The following TMCO6 variants were observed in gnomAD, a reference collection of about 807,000 sequenced individuals.
TMCO6 encodes the protein transmembrane and coiled-coil domains 6.
TMCO6 carries 47 observed loss-of-function variants against 61.8 expected under a neutral mutation model. The observed-to-expected ratio is 0.76, with a 90% CI of 0.60 to 0.97. The LOEUF (loss-of-function observed/expected upper bound fraction) is 0.97. Among genes scored for constraint, TMCO6 ranks in the 50% least tolerant of loss-of-function variants. The probability of loss-of-function intolerance (pLI) is 0.00; values close to 1 mark genes in which losing one functional copy is unlikely to be tolerated. For synonymous variants in TMCO6, 261 were observed against 254.2 expected (o/e 1.03, Z -0.25); for missense variants, 557 against 601.6 (o/e 0.93, Z 0.78).
the TMCO6 span, among the ~76,000 whole-genome samples, chr5:140,620,489 C>T: frequency 1.3e-5 from 2 of 152,030 alleles, no homozygotes; most frequent in African/African-American, 4.8e-5. Flanking sequence ...AAAGGATATA[C>T]CATACAAAGA....
the TMCO6 span, among the ~76,000 whole-genome samples, chr5:140,619,196 A>G: frequency 6.6e-6 from 1 of 152,228 alleles, no homozygotes; most frequent in African/African-American, 2.4e-5. Context: ...AGGAAAATAT[A>G]CAGATGGCAA....
At chr5:140,604,128 C>A in the TMCO6 span, among the ~76,000 whole-genome samples, 1 of 152,120 alleles carries the variant, frequency 6.6e-6, no homozygotes, top group Non-Finnish European at 1.5e-5. Flanking sequence ...TGCTTGTTAG[C>A]CATTTGTATA....
At position 140,643,968 on chromosome 5, in the gene TMCO6, T is replaced by C; in HGVS notation, c.1105+2T>C. ...TTTGGCTCCTCAACAACCTCACTGG[T>C]ACGCACCATAATCTGCCCAGGCCTG... On this transcript the variant is annotated splice_donor_variant, in intron 9 of 11. Transcript: ENST00000394671. LOFTEE classifies it high-confidence loss of function. 6.2e-7 allele frequency: 1 copy of C among 1,614,146 alleles called. No individual in the cohort carries two copies. The highest frequency in any genetic ancestry group is 8.5e-7 in the Non-Finnish European group (1 of 1,180,006).
At chr5:140,618,967 G>A in the TMCO6 span, among the ~76,000 whole-genome samples, 13 of 151,978 alleles carry the variant, frequency 8.6e-5, no homozygotes, top group African/African-American at 1.2e-4. Flanking sequence ...AGAAAGAATC[G>A]ATAATCTAAA....
the TMCO6 span, among the ~76,000 whole-genome samples, chr5:140,613,341 A>T: frequency 6.9e-6 from 1 of 144,258 alleles, no homozygotes; most frequent in East Asian, 2.3e-4. Flanking sequence ...GTGAGCCGAG[A>T]TCGTGCCACT....
the TMCO6 span, among the ~76,000 whole-genome samples, chr5:140,599,366 C>CT: frequency 2.0e-3 from 306 of 152,206 alleles, 1 homozygote; most frequent in African/African-American, 7.1e-3. Flanking sequence ...TTAGGGGATC[C>CT]CTTTAAGAGG....
chr5:140,646,638 G>C (rs891998408), downstream of TMCO6, among the ~76,000 whole-genome samples: 5 of 152,098 alleles, frequency 3.3e-5, no homozygotes, highest in Non-Finnish European at 7.4e-5. Flanking sequence ...CAACATGATA[G>C]GAAAATTTCA....
rs759034817 is a variant in TMCO6, at chr5:140,644,738, G to A, written c.1366G>A (p.Glu456Lys). ...GCATCTGCTGTTCCTGTATCAGCCA[G>A]AGGTATAGGTTTCTGGCCCACATCC... is the stretch of plus-strand genomic sequence containing the variant. ...LLHLLFLYQP[E>K]AVQVFLQQSG... The change falls in exon 11 of 12, where the codon GAG becomes AAG. Residue 456 changes from glutamate (E) to lysine (K), a missense_variant and splice_region_variant. By Grantham distance (56) the Glu-to-Lys change is moderately conservative. Coordinates refer to ENST00000394671, the MANE Select transcript of TMCO6 (RefSeq NM_018502.5). The A allele has an allele frequency of 1.2e-6, 2 of 1,614,146 alleles. No homozygotes were observed. Among genetic ancestry groups the A allele is most frequent in the South Asian group, 2.2e-5 (2 of 91,080 alleles).
the TMCO6 span, chr5:140,631,878 T>C: frequency 1.9e-6 from 3 of 1,573,308 alleles, no homozygotes; most frequent in South Asian, 3.5e-5. Context: ...CCGGGCCCCT[T>C]GGAGCAGCAC....
chr5:140,645,360 T>A lies in TMCO6; in HGVS notation c.*262T>A. 1 of 762,298 alleles carries A rather than the reference T, an allele frequency of 1.3e-6. No individual in the cohort carries two copies. The highest frequency in any genetic ancestry group is 2.0e-5 in the Admixed American group (1 of 49,662). The allele number at this position is 762,298 out of a possible 1,614,324, so 47.2% of individuals were successfully genotyped here. On this transcript the variant is annotated 3_prime_UTR_variant, in exon 12 of 12. Transcript: ENST00000394671. ...CACCCTTCATGTTTGCTTCAGCAGC[T>A]GGTAGCTTTTGATGAGACAGAATAA...
chr5:140,639,806 G>C lies in TMCO6; in HGVS notation c.153G>C (p.Glu51Asp), dbSNP rs771904102. 3.7e-6 allele frequency: 6 copies of C among 1,610,016 alleles called. No individual in the cohort carries two copies. In the African/African-American group the frequency reaches 6.7e-5, roughly 18 times the overall value. The part of the protein sequence containing the change: ...SKRLLRNDAP[E>D]EAGEGCVAAI... ...GGCTGCTGAGAAACGACGCCCCAGAGGAAGCTGGAGAGGGATGTGTGGCTG... is the reference window on the plus strand; with the variant it reads ...GGCTGCTGAGAAACGACGCCCCAGACGAAGCTGGAGAGGGATGTGTGGCTG... The change falls in exon 2 of 12, where the codon GAG (glutamate) becomes GAC (aspartate). Residue 51 changes from glutamate to aspartate, a missense_variant. Glu to Asp is a conservative substitution (Grantham distance 45, BLOSUM62 2). Transcript: ENST00000394671.
the TMCO6 span, among the ~76,000 whole-genome samples, chr5:140,597,039 C>G: frequency 6.6e-6 from 1 of 152,200 alleles, no homozygotes; most frequent in Admixed American, 6.5e-5. Flanking sequence ...TTTTGAAGCT[C>G]TGTGCCAGGA....
intron 7 of TMCO6, 184 bp from the exon 8 acceptor site, chr5:140,643,380 A>G: frequency 1.5e-6 from 1 of 662,004 alleles, no homozygotes; most frequent in Non-Finnish European, 2.7e-6. Context: ...TATTTCTAAT[A>G]GAGACGGAGT....
At chr5:140,646,774 G>C (rs775843232), downstream of TMCO6, among the ~76,000 whole-genome samples, 7 of 152,104 alleles carry the variant, frequency 4.6e-5, no homozygotes, top group Non-Finnish European at 8.8e-5. Flanking sequence ...TTTAACAATA[G>C]TGCAAAACAA....
At chr5:140,637,567 G>C (rs148257951), upstream of TMCO6, among the ~76,000 whole-genome samples, 47 of 152,218 alleles carry the variant, frequency 3.1e-4, no homozygotes, top group African/African-American at 1.0e-3. Flanking sequence ...AATTAAACCC[G>C]AGTGACCGTT....
rs768249065 is a variant in TMCO6 at position 140,642,426 on chromosome 5, C to A, written c.603+7C>A. On this transcript the variant is annotated splice_region_variant and intron_variant, in intron 5 of 11. Coordinates refer to ENST00000394671, the MANE Select transcript of TMCO6 (RefSeq NM_018502.5). The stretch of plus-strand genomic sequence containing the variant: ...CTTGGCTGCCTGCATCCAGGTGACT[C>A]CTTTCTTCCTCCCTGGGCAACCCTT... 1.9e-6 allele frequency: 3 copies of A among 1,611,434 alleles called. No homozygotes were observed. Among genetic ancestry groups the A allele is most frequent in the East Asian group, 2.2e-5 (1 of 44,852 alleles).
upstream of TMCO6, among the ~76,000 whole-genome samples, chr5:140,635,361 T>C (rs1371155838): frequency 6.6e-6 from 1 of 152,248 alleles, no homozygotes; most frequent in Non-Finnish European, 1.5e-5. Context: ...AAAATGGAGA[T>C]GATAGTATTA....
At chr5:140,625,576 T>A in the TMCO6 span, among the ~76,000 whole-genome samples, 4 of 152,186 alleles carry the variant, frequency 2.6e-5, no homozygotes, top group African/African-American at 9.6e-5. Flanking sequence ...CAATCCTGAC[T>A]GTTTTGGCTC....
chr5:140,640,550 C>T (rs772777224), intron 2 of TMCO6, among the ~76,000 whole-genome samples: 1 of 151,902 alleles, frequency 6.6e-6, no homozygotes. Context: ...GGATTACAGG[C>T]GCGCGCCACC....
Sources: gnomAD v4.1 joint callset for allele counts (sites outside exome capture counted in the v4.1 genomes callset) on GRCh38, gnomAD v4.1.1 for gene constraint, MANE v1.5 for transcripts, NCBI Gene and HGNC (gene_info 2026-07-23, HGNC 2026-07-21) for gene names.